Variants in UBE3A observed in about 807,000 individuals in gnomAD.
UBE3A encodes ubiquitin-protein ligase E3A.
UBE3A carries 6 observed loss-of-function variants against 83.4 expected under a neutral mutation model. The observed-to-expected ratio is 0.07, with a 90% CI of 0.04 to 0.14. The LOEUF is 0.14. Among genes scored for constraint, UBE3A ranks in the 10% least tolerant of loss-of-function variants. The pLI, the probability that UBE3A is intolerant of heterozygous loss-of-function variation, is 1.00. For synonymous variants in UBE3A, 337 were observed against 355.4 expected, an observed-to-expected ratio of 0.95 and a Z score of 0.58; for missense variants, 456 against 1,036.1, an observed-to-expected ratio of 0.44 and a Z score of 7.69.
intron 4 of UBE3A, chr15:25,393,893 C>T (rs2084952589): frequency 6.6e-6 from 1 of 152,190 alleles, no homozygotes; most frequent in South Asian, 2.1e-4. Context: ...TAGCGTGCTC[C>T]TGGCTTTCTA....
intron 1 of UBE3A, among the ~76,000 whole-genome samples, chr15:25,421,311 A>T (rs1344713955): frequency 6.6e-6 from 1 of 152,212 alleles, no homozygotes; most frequent in Non-Finnish European, 1.5e-5. Flanking sequence ...AGCTGAGCAG[A>T]TGGTGGCGCC....
chr15:25,435,003 C>G (rs927877959), intron 1 of UBE3A, among the ~76,000 whole-genome samples: 1 of 148,506 alleles, frequency 6.7e-6, no homozygotes, highest in African/African-American at 2.5e-5. Context: ...CACACACACA[C>G]ACACACACAC....
intron 6 of UBE3A, among the ~76,000 whole-genome samples, chr15:25,365,336 CATCAA>C (rs2078909676): frequency 6.6e-6 from 1 of 152,126 alleles, no homozygotes; most frequent in African/African-American, 2.4e-5. Context: ...TGAGCTATTA[CATCAA>C]ATCAATTCAT....
intron 1 of UBE3A, among the ~76,000 whole-genome samples, chr15:25,427,574 T>C (rs370056650): frequency 1.1e-5 from 1 of 94,790 alleles, no homozygotes; most frequent in Non-Finnish European, 2.0e-5. Context: ...CAAACCAAAG[T>C]GGGCAACATA....
chr15:25,364,641 G>GTTTTTTTTTTTTTTTT (rs1260418313), intron 6 of UBE3A, among the ~76,000 whole-genome samples: 1 of 132,482 alleles, frequency 7.5e-6, no homozygotes, highest in African/African-American at 3.1e-5. Context: ...GGTTTTTTTT[G>GTTTTTTTTTTTTTTTT]TTTGTTTTTT....
At chr15:25,396,780 T>G (rs78877629) in intron 4 of UBE3A, among the ~76,000 whole-genome samples, 3,815 of 152,212 alleles carry the variant, frequency 0.025, 164 homozygotes, top group African/African-American at 0.088. Context: ...TTTAAGAGTA[T>G]TAATAATTTT....
At chr15:25,434,878 T>G (rs556818374) in intron 1 of UBE3A, among the ~76,000 whole-genome samples, 40 of 152,244 alleles carry the variant, frequency 2.6e-4, no homozygotes, top group Non-Finnish European at 4.1e-4. Context: ...TCTATCCATG[T>G]ACTGCCAGAA....
intron 3 of UBE3A, chr15:25,407,054 CTA>C (rs1467037615): frequency 6.8e-5 from 91 of 1,343,066 alleles, no homozygotes; most frequent in Non-Finnish European, 8.6e-5. Context: ...AGCAAATCAC[CTA>C]TGTGACACAC....
intron 4 of UBE3A, among the ~76,000 whole-genome samples, chr15:25,403,184 G>A (rs148937467): frequency 2.0e-5 from 3 of 152,204 alleles, no homozygotes; most frequent in Non-Finnish European, 4.4e-5. Context: ...TAGTCACTCA[G>A]TGGAATGAGA....
In UBE3A at chr15:25,338,537, C is replaced by CAAGA. The variant is rs2074195389; in HGVS notation, c.*596_*599dup. Reference sequence around the variant, plus strand: ...CCATCTTTCTTTATTGATTGATTCTCAAGATTTTGCACAGAAAACTCTTTG... The same window carrying CAAGA: ...CCATCTTTCTTTATTGATTGATTCTCAAGAAAGATTTTGCACAGAAAACTCTTTG... On this transcript the variant is annotated 3_prime_UTR_variant, in exon 13 of 13. Transcript: ENST00000648336. 6.6e-6 allele frequency: 1 copy of CAAGA among 151,800 alleles called. No homozygotes were observed. The allele number at this position is 151,800 out of a possible 1,614,324, so 9.4% of individuals were successfully genotyped here. A position where few individuals can be genotyped will look rare whatever the true frequency, so the allele number is the denominator to read the frequency against.
intron 1 of UBE3A, among the ~76,000 whole-genome samples, chr15:25,413,623 A>G (rs577110713): frequency 1.3e-5 from 2 of 152,296 alleles, no homozygotes; most frequent in South Asian, 2.1e-4. Context: ...TACTTGCAAC[A>G]TAATTCCCTC....
At chr15:25,355,059 T>C (rs1415364978) in intron 9 of UBE3A, among the ~76,000 whole-genome samples, 2 of 152,196 alleles carry the variant, frequency 1.3e-5, no homozygotes, top group African/African-American at 2.4e-5. Context: ...GAACTGAATA[T>C]AAATGCTGGA....
At chr15:25,376,768 A>AT (rs1566980475) in intron 4 of UBE3A, among the ~76,000 whole-genome samples, 1 of 152,096 alleles carries the variant, frequency 6.6e-6, no homozygotes. Flanking sequence ...GAATATTTTA[A>AT]GTTCCATCAC....
chr15:25,351,642 G>T (rs1274252620), intron 11 of UBE3A, among the ~76,000 whole-genome samples: 1 of 152,102 alleles, frequency 6.6e-6, no homozygotes, highest in Non-Finnish European at 1.5e-5. Flanking sequence ...GCTAATTTTT[G>T]TATTTTTAGT....
chr15:25,409,750 A>AT (rs1167353157), intron 2 of UBE3A, among the ~76,000 whole-genome samples: 1 of 152,184 alleles, frequency 6.6e-6, no homozygotes, highest in African/African-American at 2.4e-5. Context: ...ATACGGACAA[A>AT]TTCAGTCAAA....
chr15:25,339,285 G>C, intron 12 of UBE3A, 28 bp from the exon 13 acceptor site: 1 of 1,608,378 alleles, frequency 6.2e-7, no homozygotes, highest in Middle Eastern at 1.7e-4. Context: ...GAAAAAAACA[G>C]GAAAACTGTA....
intron 11 of UBE3A, among the ~76,000 whole-genome samples, chr15:25,353,276 G>A (rs1047156902): frequency 6.6e-6 from 1 of 152,190 alleles, no homozygotes; most frequent in African/African-American, 2.4e-5. Flanking sequence ...AAATACTGGT[G>A]AATTCCCACA....
intron 4 of UBE3A, among the ~76,000 whole-genome samples, chr15:25,389,131 A>C (rs2083736003): frequency 6.6e-6 from 1 of 152,194 alleles, no homozygotes; most frequent in Non-Finnish European, 1.5e-5. Context: ...AACGAAACAG[A>C]ATAGAGAGCC....
chr15:25,430,638 T>A (rs1893186449), intron 1 of UBE3A, among the ~76,000 whole-genome samples: 1 of 151,982 alleles, frequency 6.6e-6, no homozygotes, highest in African/African-American at 2.4e-5. Flanking sequence ...AGCAGATATC[T>A]AAAAGTAGGC....
Sources: allele counts gnomAD v4.1 joint callset (sites outside exome capture counted in the v4.1 genomes callset), GRCh38; gene constraint gnomAD v4.1.1; transcripts MANE v1.5; gene names NCBI Gene and HGNC (gene_info 2026-07-23, HGNC 2026-07-21).